Variants in SLC26A2 observed in about 807,000 individuals in gnomAD.
SLC26A2 encodes sulfate transporter.
In SLC26A2, 36 loss-of-function variants were observed where a neutral mutation model predicts 41.1. That is an observed-to-expected ratio of 0.88 (90% CI 0.67 to 1.16). The LOEUF is 1.16. SLC26A2 is among the 50% of genes most tolerant of loss of function. The probability of loss-of-function intolerance (pLI) is 0.00; values close to 1 mark genes in which losing one functional copy is unlikely to be tolerated. For missense variants in SLC26A2, 796 were observed against 869.6 expected (o/e 0.92, Z 1.07); for synonymous variants, 291 against 311.6 (o/e 0.93, Z 0.70).
At chr5:149,972,298 CT>C (rs1429472016) in intron 1 of SLC26A2, among the ~76,000 whole-genome samples, 1 of 152,120 alleles carries the variant, frequency 6.6e-6, no homozygotes, top group African/African-American at 2.4e-5. Context: ...GATTATGGAA[CT>C]TTGTGGGTTC....
In SLC26A2 at chr5:149,981,687, A is replaced by C. The variant is rs371461728; in HGVS notation, c.2094A>C (p.Glu698Asp). The C allele has an allele frequency of 8.1e-6, 13 of 1,612,160 alleles. No individual in the cohort carries two copies. The highest frequency in any genetic ancestry group is 1.7e-5 in the Admixed American group (1 of 59,542). ...PTVRDSLTNG[E>D]YCKKEEENLL... ...TGAGGGATTCCCTAACCAACGGAGAATATTGCAAAAAGGAAGAAGAAAACC... is the reference window on the plus strand; with the variant it reads ...TGAGGGATTCCCTAACCAACGGAGACTATTGCAAAAAGGAAGAAGAAAACC... Residue 698 changes from glutamate (E) to aspartate (D), a missense_variant, in exon 3 of 3, where the codon GAA becomes GAC. Glu to Asp is a conservative substitution (Grantham distance 45, BLOSUM62 2). Transcript: ENST00000286298.
Position 149,981,044 on chromosome 5 carries a change from G to A in SLC26A2, c.1451G>A (p.Gly484Asp), listed in dbSNP as rs386833496. The change falls in exon 3 of 3, where the codon GGT becomes GAT. Residue 484 changes from glycine (G) to aspartate (D), a missense_variant. Physicochemically the swap from Gly to Asp is moderately conservative, Grantham distance 94 (BLOSUM62 -1). Coordinates refer to ENST00000286298, the MANE Select transcript of SLC26A2 (RefSeq NM_000112.4). Reference sequence around the variant, plus strand: ...TATTCCCTTCAAAAAAGTGTCCTTGGTGTGATCACAATTGTAAATCTACGG... The same window carrying A: ...TATTCCCTTCAAAAAAGTGTCCTTGATGTGATCACAATTGTAAATCTACGG... ...LFYSLQKSVL[G>D]VITIVNLRGA... is the part of the protein sequence containing the mutation. The A allele has an allele frequency of 3.7e-6, 6 of 1,614,002 alleles. No homozygotes were observed. The African/African-American group carries it at 4.0e-5, about 11-fold the overall frequency.
chr5:149,964,987 C>G (rs2113686730), intron 1 of SLC26A2, among the ~76,000 whole-genome samples: 1 of 152,198 alleles, frequency 6.6e-6, no homozygotes, highest in Admixed American at 6.5e-5. Flanking sequence ...AATGACAAAA[C>G]CCATATAAGT....
intron 2 of SLC26A2, 86 bp from the exon 3 acceptor site, chr5:149,980,207 G>A: frequency 1.0e-6 from 1 of 996,334 alleles, no homozygotes; most frequent in South Asian, 1.3e-5. Context: ...CTGATGATAT[G>A]TCTCCATGCA....
intron 1 of SLC26A2, among the ~76,000 whole-genome samples, chr5:149,961,246 C>T (rs1425440753): frequency 1.3e-5 from 2 of 152,200 alleles, no homozygotes; most frequent in Non-Finnish European, 2.9e-5. Flanking sequence ...CTCGCCGTAT[C>T]TCGCCGGGTG....
chr5:149,973,765 G>C (rs559221354), intron 1 of SLC26A2, among the ~76,000 whole-genome samples: 2 of 152,210 alleles, frequency 1.3e-5, no homozygotes, highest in South Asian at 2.1e-4. Flanking sequence ...CTCCCAAGTA[G>C]CTGGGACCAT....
chr5:149,968,748 TCG>T (rs1754849758), intron 1 of SLC26A2, among the ~76,000 whole-genome samples: 1 of 149,292 alleles, frequency 6.7e-6, no homozygotes, highest in Non-Finnish European at 1.5e-5. Flanking sequence ...AGACGGACTC[TCG>T]GTCTGTTGCC....
chr5:149,963,500 A>G (rs1004063559), intron 1 of SLC26A2, among the ~76,000 whole-genome samples: 2 of 151,690 alleles, frequency 1.3e-5, no homozygotes, highest in African/African-American at 2.4e-5. Flanking sequence ...GATGGTCTCA[A>G]TTTCATGACC....
chr5:149,986,965 T>C lies in SLC26A2; in HGVS notation c.*5152T>C, dbSNP rs1755209449. On this transcript the variant is annotated 3_prime_UTR_variant, in exon 3 of 3. Coordinates refer to ENST00000286298, the MANE Select transcript of SLC26A2 (RefSeq NM_000112.4). ...TCTCAGAAATGAGTGTGTATGAACATACCAATCTATGTAATAGGCTACCTT... is the reference window on the plus strand; with the variant it reads ...TCTCAGAAATGAGTGTGTATGAACACACCAATCTATGTAATAGGCTACCTT... 1 of 152,226 alleles carries C rather than the reference T, an allele frequency of 6.6e-6. No homozygotes were observed. Among genetic ancestry groups the C allele is most frequent in the Non-Finnish European group, 1.5e-5 (1 of 68,024 alleles). 9.4% of individuals were successfully genotyped at this position (152,226 alleles called of 1,614,324 possible). A position where few individuals can be genotyped will look rare whatever the true frequency, so the allele number is the denominator to read the frequency against.
In SLC26A2 at chr5:149,978,263, TA is replaced by T; in HGVS notation, c.614del (p.Asn205IlefsTer21). On this transcript the variant is annotated frameshift_variant, in exon 2 of 3. Transcript: ENST00000286298. LOFTEE classifies it high-confidence loss of function. ...ATGGTTTCAAATGGGAGCACATTAT[TA>T]AATCATACATCAGACAGGATATGTG... is the stretch of plus-strand genomic sequence containing the variant. The part of the protein sequence containing the change: ...LGMVSNGSTL[L>X]NHTSDRICDK... 2.5e-6 allele frequency: 4 copies of T among 1,614,162 alleles called. No homozygotes were observed. The highest frequency in any genetic ancestry group is 3.4e-6 in the Non-Finnish European group (4 of 1,179,988).
rs981442870 is a variant in SLC26A2, at chr5:149,980,236, T to G, written c.700-57T>G. On this transcript the variant is annotated intron_variant, in intron 2 of 2. Transcript: ENST00000286298. Reference sequence around the variant, plus strand: ...CCATGCAAGAAATGTCAGGATAATATAAAATTTAGAAGTTCTTTTCCATTT... The same window carrying G: ...CCATGCAAGAAATGTCAGGATAATAGAAAATTTAGAAGTTCTTTTCCATTT... 7 of 1,381,122 alleles carry G rather than the reference T, an allele frequency of 5.1e-6. No homozygotes were observed. The South Asian group carries it at 8.1e-5, about 16-fold the overall frequency. 85.6% of individuals were successfully genotyped at this position (1,381,122 alleles called of 1,614,324 possible).
chr5:149,980,922 A>T lies in SLC26A2; in HGVS notation c.1329A>T (p.Thr443=). 1 of 1,614,104 alleles carries T rather than the reference A, an allele frequency of 6.2e-7. No homozygotes were observed. Among genetic ancestry groups the T allele is most frequent in the Non-Finnish European group, 8.5e-7 (1 of 1,179,998 alleles). The part of the protein sequence containing the change: ...CFTTSAALAK[T]LVKESTGCHT... ...CTACTAGTGCAGCTCTTGCAAAGACATTGGTTAAAGAATCAACAGGCTGCC... is the reference window on the plus strand; with the variant it reads ...CTACTAGTGCAGCTCTTGCAAAGACTTTGGTTAAAGAATCAACAGGCTGCC... The change falls in exon 3 of 3, where the codon ACA becomes ACT. Residue 443 remains threonine, a synonymous_variant. Transcript: ENST00000286298.
At chr5:149,962,958 C>A (rs549949536) in intron 1 of SLC26A2, among the ~76,000 whole-genome samples, 1 of 151,800 alleles carries the variant, frequency 6.6e-6, no homozygotes, top group Non-Finnish European at 1.5e-5. Flanking sequence ...ATGTGAAAGA[C>A]AATTAACAAT....
chr5:149,978,693 CTTTT>C (rs777260569), intron 2 of SLC26A2, among the ~76,000 whole-genome samples: 3 of 143,014 alleles, frequency 2.1e-5, no homozygotes, highest in Non-Finnish European at 4.6e-5. Flanking sequence ...GAGTTTCTCA[CTTTT>C]TTTTTTTTTC....
intron 1 of SLC26A2, among the ~76,000 whole-genome samples, chr5:149,974,678 C>G (rs1192869376): frequency 6.7e-6 from 1 of 149,600 alleles, no homozygotes; most frequent in Admixed American, 6.7e-5. Context: ...CTGCCTTGGC[C>G]TCCGGAAGTG....
chr5:149,976,613 A>G (rs1441811271), intron 1 of SLC26A2, among the ~76,000 whole-genome samples: 2 of 152,002 alleles, frequency 1.3e-5, no homozygotes, highest in South Asian at 2.1e-4. Flanking sequence ...TTCTTCTCTT[A>G]CTCCGGTTAT....
At position 149,981,649 on chromosome 5, in the gene SLC26A2, T is replaced by G; in HGVS notation, c.2056T>G (p.Cys686Gly). The change falls in exon 3 of 3, where the codon TGC (cysteine) becomes GGC (glycine). Residue 686 changes from cysteine to glycine, a missense_variant. Cys to Gly is a radical substitution (Grantham distance 159). Coordinates refer to ENST00000286298, the MANE Select transcript of SLC26A2 (RefSeq NM_000112.4). ...AIGIQVLLAQ[C>G]NPTVRDSLTN... ...TGGAATCCAGGTTCTGCTGGCTCAG[T>G]GCAATCCCACTGTGAGGGATTCCCT... The G allele has an allele frequency of 1.2e-6, 2 of 1,614,064 alleles. No individual in the cohort carries two copies. The highest frequency in any genetic ancestry group is 1.7e-6 in the Non-Finnish European group (2 of 1,179,988).
intron 1 of SLC26A2, among the ~76,000 whole-genome samples, chr5:149,971,980 A>C (rs903877167): frequency 1.3e-5 from 2 of 152,114 alleles, no homozygotes; most frequent in African/African-American, 4.8e-5. Flanking sequence ...CTAATCCCCC[A>C]TAACCATTCT....
At position 149,985,763 on chromosome 5, in the gene SLC26A2, G is replaced by C. The variant is rs549169817; in HGVS notation, c.*3950G>C. On this transcript the variant is annotated 3_prime_UTR_variant, in exon 3 of 3. Transcript: ENST00000286298. Reference sequence around the variant, plus strand: ...TTGTATCAATGTAGACATGACTTCAGATACCTCTGAGGACCTACCCAGCAG... The same window carrying C: ...TTGTATCAATGTAGACATGACTTCACATACCTCTGAGGACCTACCCAGCAG... 3.5e-4 allele frequency: 53 copies of C among 152,240 alleles called. No homozygotes were observed. Among genetic ancestry groups the C allele is most frequent in the African/African-American group, 1.1e-3 (47 of 41,530 alleles). 9.4% of individuals were successfully genotyped at this position (152,240 alleles called of 1,614,324 possible).
Sources: gnomAD v4.1 joint callset for allele counts (sites outside exome capture counted in the v4.1 genomes callset) on GRCh38, gnomAD v4.1.1 for gene constraint, MANE v1.5 for transcripts, NCBI Gene and HGNC (gene_info 2026-07-23, HGNC 2026-07-21) for gene names.